Variants in ZNF528 observed in about 807,000 individuals in gnomAD.
The protein encoded by ZNF528 is zinc finger protein 528.
A neutral mutation model predicts 13.3 loss-of-function variants in ZNF528; 9 were observed. That is an observed-to-expected ratio of 0.67 (90% confidence interval 0.41 to 1.18). The LOEUF is 1.18. Among genes scored for constraint, ZNF528 ranks in the 50% most tolerant of loss-of-function variants. The pLI, the probability that ZNF528 is intolerant of heterozygous loss-of-function variation, is 0.01. For synonymous variants in ZNF528, 264 were observed against 254.3 expected, an observed-to-expected ratio of 1.04 and a Z score of -0.36; for missense variants, 858 against 745.4, an observed-to-expected ratio of 1.15 and a Z score of -1.76.
intron 4 of ZNF528, among the ~76,000 whole-genome samples, chr19:52,405,089 C>T (rs1351295631): frequency 3.3e-5 from 5 of 151,738 alleles, no homozygotes; most frequent in Non-Finnish European, 5.9e-5. Flanking sequence ...TGGTGGCAGG[C>T]ACCTGTAATC....
intron 4 of ZNF528, among the ~76,000 whole-genome samples, chr19:52,404,565 C>A (rs2058832457): frequency 6.6e-6 from 1 of 151,916 alleles, no homozygotes; most frequent in South Asian, 2.1e-4. Flanking sequence ...TTGTTATCAT[C>A]ACAGTTTTCA....
chr19:52,402,386 C>T (rs988350093), intron 4 of ZNF528: 1 of 315,210 alleles, frequency 3.2e-6, no homozygotes, highest in Non-Finnish European at 5.8e-6. Flanking sequence ...AGCTGCACGT[C>T]AAAGTTCCTT....
rs1465920028 is a variant in ZNF528, at chr19:52,416,840, T to C, written c.*101T>C. On this transcript the variant is annotated 3_prime_UTR_variant, in exon 7 of 7. Transcript: ENST00000360465. ...GTGGAAATCATATAAATGAAATGTA[T>C]GTGACACAGGCTTTATCAAGGCCTG... 43 of 1,267,500 alleles carry C rather than the reference T, an allele frequency of 3.4e-5. No homozygotes were observed. In the East Asian group the frequency reaches 1.1e-3, roughly 31 times the overall value. The allele number at this position is 1,267,500 out of a possible 1,614,324, so 78.5% of individuals were successfully genotyped here.
At position 52,404,711 on chromosome 19, in the gene ZNF528, C is replaced by G. The variant is rs111608834; in HGVS notation, c.16-1196C>G. 9.3e-3 allele frequency among the ~76,000 whole-genome samples: 1,421 copies of G among 152,148 alleles called. 19 individuals carry two copies. Among genetic ancestry groups the G allele is most frequent in the African/African-American group, 0.032 (1,335 of 41,542 alleles). ...TCCCGGGTTCAAGAGATTCTCCTGT[C>G]TCAGCCTTCTTAGTAGCTGGGATTA... On this transcript the variant is annotated intron_variant, in intron 4 of 6. Transcript: ENST00000360465.
chr19:52,416,068 G>A lies in ZNF528; in HGVS notation c.1216G>A (p.Glu406Lys), dbSNP rs61997201. The A allele has an allele frequency of 1.7e-3, 2,808 of 1,614,006 alleles. 35 individuals carry two copies. In the African/African-American group the frequency reaches 0.032, roughly 18 times the overall value. The change falls in exon 7 of 7, where the codon GAG (glutamate) becomes AAG (lysine). Residue 406 changes from glutamate to lysine, a missense_variant. Transcript: ENST00000360465. Reference protein sequence around the residue: ...LTSHQRIHTRERPYGCSQCGK... With the variant: ...LTSHQRIHTRKRPYGCSQCGK... ...CTCTCATCAGAGAATTCATACTAGA[G>A]AGAGACCTTATGGATGCAGTCAGTG...
In ZNF528 at chr19:52,415,133, C is replaced by G. The variant is rs1432901126; in HGVS notation, c.281C>G (p.Ser94Cys). 6.2e-7 allele frequency: 1 copy of G among 1,608,768 alleles called. No individual in the cohort carries two copies. The highest frequency in any genetic ancestry group is 1.7e-4 in the Middle Eastern group (1 of 6,022). Residue 94 changes from serine to cysteine, a missense_variant, in exon 7 of 7, where the codon TCT becomes TGT. Ser to Cys is a moderately radical substitution (Grantham distance 112). Transcript: ENST00000360465. ...TTTCTTTCTGTTTTAGAGAGGAGCT[C>G]TAAATTGGGAAGTAATGCAGGAAAC... Reference protein sequence around the residue: ...CIKGVNTERSSKLGSNAGNKP... With the variant: ...CIKGVNTERSCKLGSNAGNKP...
chr19:52,415,326 C>T lies in ZNF528; in HGVS notation c.474C>T (p.His158=), dbSNP rs779416983. 5 of 1,611,906 alleles carry T rather than the reference C, an allele frequency of 3.1e-6. No individual in the cohort carries two copies. The Admixed American group carries it at 6.7e-5, about 22-fold the overall frequency. ...LEKISSSVKS[H]LLNKYRNNFD... is the part of the protein sequence containing the mutation. ...AAATTTCTTCCAGTGTCAAATCCCA[C>T]CTTTTAAATAAATATAGAAATAATT... The change falls in exon 7 of 7, where the codon CAC becomes CAT. Residue 158 remains histidine, a synonymous_variant. Transcript: ENST00000360465.
At position 52,406,439 on chromosome 19, in the gene ZNF528, CCT is replaced by C. The variant is rs925536708; in HGVS notation, c.143-70_143-69del. On this transcript the variant is annotated intron_variant, in intron 5 of 6. Coordinates refer to ENST00000360465, the MANE Select transcript of ZNF528 (RefSeq NM_032423.3). The stretch of plus-strand genomic sequence containing the variant: ...ACTATTTATGATTTAATTATAATAT[CCT>C]CTCTCCTCCCTAAATACAGGGCTTG... 1.1e-4 allele frequency: 165 copies of C among 1,543,808 alleles called. 2 individuals are homozygous for C. The highest frequency in any genetic ancestry group is 7.0e-4 in the Middle Eastern group (4 of 5,748).
At chr19:52,405,217 C>CAAAAAAAA (rs1156326821) in intron 4 of ZNF528, among the ~76,000 whole-genome samples, 1 of 101,158 alleles carries the variant, frequency 9.9e-6, no homozygotes. Context: ...AACACCATCT[C>CAAAAAAAA]AAAAAAAAAA....
At chr19:52,407,009 A>G (rs1444472521) in intron 6 of ZNF528, 1 of 245,252 alleles carries the variant, frequency 4.1e-6, no homozygotes, top group Non-Finnish European at 7.7e-6. Flanking sequence ...CAATGGCATG[A>G]TTATGGCTTG....
At chr19:52,400,245 CA>C (rs1336782140) in intron 2 of ZNF528, among the ~76,000 whole-genome samples, 1 of 151,874 alleles carries the variant, frequency 6.6e-6, no homozygotes. Context: ...CACACACACA[CA>C]CACACACACA....
chr19:52,412,327 G>C (rs1451107242), intron 6 of ZNF528: 1 of 152,232 alleles, frequency 6.6e-6, no homozygotes, highest in Non-Finnish European at 1.5e-5. Flanking sequence ...TGGGACTACA[G>C]TGATGCCTTG....
rs2059020839 is a variant in ZNF528, at chr19:52,417,936, A to T, written c.*1197A>T. 6.6e-6 allele frequency: 1 copy of T among 152,064 alleles called. No homozygotes were observed. The highest frequency in any genetic ancestry group is 1.5e-5 in the Non-Finnish European group (1 of 68,030). 9.4% of individuals were successfully genotyped at this position (152,064 alleles called of 1,614,324 possible). A position where few individuals can be genotyped will look rare whatever the true frequency, so the allele number is the denominator to read the frequency against. ...CAGCCTCATTTTTGAAATGGAATAG[A>T]GAACAGTTATATCACAGTTGAGAGT... On this transcript the variant is annotated 3_prime_UTR_variant, in exon 7 of 7. Transcript: ENST00000360465.
In ZNF528 at chr19:52,402,290, G is replaced by A. The variant is rs191587672; in HGVS notation, c.15+262G>A. Reference sequence around the variant, plus strand: ...TGGATGGAGACGGGGTGTGGGTCCCGTGGTGGCAGTGCTGCTGGGCAGCAG... The same window carrying A: ...TGGATGGAGACGGGGTGTGGGTCCCATGGTGGCAGTGCTGCTGGGCAGCAG... On this transcript the variant is annotated intron_variant, in intron 4 of 6. Transcript: ENST00000360465. 945 of 602,300 alleles carry A rather than the reference G, an allele frequency of 1.6e-3. 22 individuals carry two copies. The Admixed American group carries it at 0.024, about 15-fold the overall frequency. The allele number at this position is 602,300 out of a possible 1,614,324, so 37.3% of individuals were successfully genotyped here.
At position 52,405,939 on chromosome 19, in the gene ZNF528, G is replaced by A; in HGVS notation, c.48G>A (p.Glu16=). Residue 16 remains glutamate (E), a synonymous_variant, in exon 5 of 7, where the codon GAG becomes GAA. Coordinates refer to ENST00000360465, the MANE Select transcript of ZNF528 (RefSeq NM_032423.3). ...GPLKFMDVAI[E]FSQEEWKCLD... ...TGAAATTCATGGATGTGGCCATAGAGTTCTCTCAGGAAGAGTGGAAATGCC... is the reference window on the plus strand; with the variant it reads ...TGAAATTCATGGATGTGGCCATAGAATTCTCTCAGGAAGAGTGGAAATGCC... 1 of 1,611,746 alleles carries A rather than the reference G, an allele frequency of 6.2e-7. No individual in the cohort carries two copies. Among genetic ancestry groups the A allele is most frequent in the South Asian group, 1.1e-5 (1 of 91,060 alleles).
intron 6 of ZNF528, among the ~76,000 whole-genome samples, chr19:52,410,439 C>A (rs1054256508): frequency 6.6e-6 from 1 of 152,180 alleles, no homozygotes; most frequent in East Asian, 1.9e-4. Context: ...AGTAGATAAT[C>A]TCAGTGAGCA....
intron 4 of ZNF528, 33 bp from the exon 5 acceptor site, chr19:52,405,874 T>C (rs1392870981): frequency 6.2e-7 from 1 of 1,603,390 alleles, no homozygotes; most frequent in East Asian, 2.3e-5. Flanking sequence ...ACTGTGTGCA[T>C]ACCTTGTTGC....
rs773966267 is a variant in ZNF528 at position 52,415,772 on chromosome 19, A to G, written c.920A>G (p.Asn307Ser). 1.2e-5 allele frequency: 20 copies of G among 1,613,562 alleles called. No homozygotes were observed. The highest frequency in any genetic ancestry group is 2.7e-5 in the African/African-American group (2 of 74,780). The change falls in exon 7 of 7, where the codon AAT (asparagine) becomes AGT (serine). Residue 307 changes from asparagine to serine, a missense_variant. By Grantham distance (46) the Asn-to-Ser change is conservative (BLOSUM62 1). Coordinates refer to ENST00000360465, the MANE Select transcript of ZNF528 (RefSeq NM_032423.3). ...YKCHECDKVFNQIAHLVRHQK... is the reference protein window; with the variant it reads ...YKCHECDKVFSQIAHLVRHQK... ...TGTCATGAATGTGACAAGGTCTTCA[A>G]TCAAATTGCACACCTTGTACGACAT...
At chr19:52,400,263 C>G (rs2058776532) in intron 2 of ZNF528, among the ~76,000 whole-genome samples, 2 of 151,540 alleles carry the variant, frequency 1.3e-5, no homozygotes. Context: ...CACACACACA[C>G]ACGCCTTTAT....
Sources: gnomAD v4.1 joint callset for allele counts (sites outside exome capture counted in the v4.1 genomes callset) on GRCh38, gnomAD v4.1.1 for gene constraint, MANE v1.5 for transcripts, NCBI Gene and HGNC (gene_info 2026-07-23, HGNC 2026-07-21) for gene names.